Variants in MYH15 observed in about 807,000 individuals in gnomAD.
MYH15 encodes the protein myosin heavy chain 15.
MYH15 carries 227 observed loss-of-function variants against 240.5 expected under a neutral mutation model. The ratio of observed to expected loss-of-function variants is 0.94; its 90% CI spans 0.85 to 1.05. MYH15 has a LOEUF of 1.05. Ranked by LOEUF, MYH15 falls within the 50% of genes least tolerant of loss-of-function variation. The pLI is 0.00. For missense variants in MYH15, 2,217 were observed against 2,247.5 expected (o/e 0.99, Z 0.27); for synonymous variants, 785 against 796.7 (o/e 0.99, Z 0.25).
At chr3:108,402,282 A>C (rs2082511417) in intron 33 of MYH15, among the ~76,000 whole-genome samples, 2 of 152,256 alleles carry the variant, frequency 1.3e-5, no homozygotes, top group African/African-American at 4.8e-5. Flanking sequence ...AGATTCACTC[A>C]GACAATAAAA....
intron 21 of MYH15, among the ~76,000 whole-genome samples, chr3:108,446,009 C>G (rs1268422399): frequency 6.6e-6 from 1 of 152,090 alleles, no homozygotes; most frequent in East Asian, 1.9e-4. Context: ...ACCCTTACAA[C>G]CTCAGGTTCC....
chr3:108,539,412 CAT>C, the MYH15 span, among the ~76,000 whole-genome samples: 1 of 152,064 alleles, frequency 6.6e-6, no homozygotes, highest in Admixed American at 6.6e-5. Flanking sequence ...TATGGGAAAA[CAT>C]GTGTTGTGCA....
chr3:108,381,703 T>C, intron 40 of MYH15, 144 bp from the exon 41 acceptor site: 1 of 900,950 alleles, frequency 1.1e-6, no homozygotes, highest in Non-Finnish European at 1.8e-6. Flanking sequence ...GGCAGGGAAT[T>C]GAGGCAATTA....
At chr3:108,427,635 C>CACACAGAGAGAGAG (rs570359637) in intron 27 of MYH15, among the ~76,000 whole-genome samples, 23 of 146,632 alleles carry the variant, frequency 1.6e-4, no homozygotes, top group Non-Finnish European at 2.8e-4. Flanking sequence ...CACACACACA[C>CACACAGAGAGAGAG]AGAGAGAGAG....
At chr3:108,498,604 T>C (rs980518389) in intron 5 of MYH15, among the ~76,000 whole-genome samples, 1 of 152,156 alleles carries the variant, frequency 6.6e-6, no homozygotes, top group Non-Finnish European at 1.5e-5. Flanking sequence ...CCAGCTAACT[T>C]TGCAATGTGG....
At chr3:108,461,268 C>T (rs905399140) in intron 16 of MYH15, among the ~76,000 whole-genome samples, 3 of 152,196 alleles carry the variant, frequency 2.0e-5, no homozygotes, top group Non-Finnish European at 4.4e-5. Flanking sequence ...CACCCCAGGT[C>T]TCTCAGTGAA....
intron 25 of MYH15, among the ~76,000 whole-genome samples, chr3:108,436,031 C>A (rs910318402): frequency 5.9e-5 from 9 of 152,018 alleles, no homozygotes; most frequent in African/African-American, 1.9e-4. Context: ...GTAGCAATTT[C>A]TCTCACCTCA....
rs2082342294 is a variant in MYH15 at position 108,381,375 on chromosome 3, T to C, written c.*170A>G. On this transcript the variant is annotated 3_prime_UTR_variant, in exon 41 of 41. Transcript: ENST00000693548. ...AGGATCAAAAAATCCCCATTAACTGTGGAAGCAATGATATTCCCTTTAATT... is the reference window on the plus strand; with the variant it reads ...AGGATCAAAAAATCCCCATTAACTGCGGAAGCAATGATATTCCCTTTAATT... 1 of 731,454 alleles carries C rather than the reference T, an allele frequency of 1.4e-6. No individual in the cohort carries two copies. Among genetic ancestry groups the C allele is most frequent in the Non-Finnish European group, 2.3e-6 (1 of 426,800 alleles). The allele number at this position is 731,454 out of a possible 1,614,324, so 45.3% of individuals were successfully genotyped here. A position where few individuals can be genotyped will look rare whatever the true frequency, so the allele number is the denominator to read the frequency against.
intron 33 of MYH15, among the ~76,000 whole-genome samples, chr3:108,404,427 G>T (rs1378699290): frequency 2.6e-5 from 4 of 152,154 alleles, no homozygotes; most frequent in Non-Finnish European, 5.9e-5. Flanking sequence ...TGACTTAAGG[G>T]AACAGATTAG....
intron 27 of MYH15, among the ~76,000 whole-genome samples, chr3:108,424,829 G>T (rs1431064565): frequency 2.6e-5 from 4 of 152,204 alleles, no homozygotes; most frequent in African/African-American, 9.7e-5. Context: ...ATTTAAAGCA[G>T]TAACAGGACA....
chr3:108,497,271 G>T (rs1269386726), intron 6 of MYH15, among the ~76,000 whole-genome samples: 1 of 150,302 alleles, frequency 6.7e-6, no homozygotes, highest in Non-Finnish European at 1.5e-5. Context: ...TTAAAAATTA[G>T]GTCAGATGGC....
At chr3:108,459,482 CTT>C (rs1560388982) in intron 17 of MYH15, 33 bp from the exon 18 acceptor site, 1 of 1,386,608 alleles carries the variant, frequency 7.2e-7, no homozygotes, top group Non-Finnish European at 1.0e-6. Context: ...CACAAAATCA[CTT>C]TGCAAATCAC....
intron 1 of MYH15, chr3:108,529,234 A>T: frequency 6.3e-7 from 1 of 1,595,664 alleles, no homozygotes; most frequent in Non-Finnish European, 8.6e-7. Flanking sequence ...TGTTAGACAA[A>T]TTAAAACATA....
Position 108,477,220 on chromosome 3 carries a change from G to A in MYH15, c.1115-705C>T, listed in dbSNP as rs986296790. ...ATGCTAAGTGAAAGGAGTCAGACAC[G>A]AAAGGCCACATATTGCAGGATTCCA... On this transcript the variant is annotated intron_variant, in intron 11 of 40. Transcript: ENST00000693548. Among the ~76,000 whole-genome samples the A allele has an allele frequency of 3.3e-5, 5 of 152,262 alleles. No homozygotes were observed. In the East Asian group the frequency reaches 5.8e-4, roughly 18 times the overall value.
At chr3:108,457,513 T>C (rs559830361) in intron 18 of MYH15, among the ~76,000 whole-genome samples, 7 of 152,030 alleles carry the variant, frequency 4.6e-5, no homozygotes, top group Admixed American at 3.9e-4. Context: ...CAACGTCCAA[T>C]AGAAGCCTTT....
At chr3:108,549,706 A>G in the MYH15 span, among the ~76,000 whole-genome samples, 1 of 152,028 alleles carries the variant, frequency 6.6e-6, no homozygotes, top group Non-Finnish European at 1.5e-5. Flanking sequence ...GCCACTGGCT[A>G]TGGGACTGGA....
intron 33 of MYH15, among the ~76,000 whole-genome samples, chr3:108,402,793 T>A (rs2082516064): frequency 6.6e-6 from 1 of 152,320 alleles, no homozygotes; most frequent in East Asian, 1.9e-4. Context: ...AGATGCAGGA[T>A]GCACCTGACC....
intron 21 of MYH15, among the ~76,000 whole-genome samples, chr3:108,449,402 G>A (rs1430622860): frequency 6.6e-6 from 1 of 151,994 alleles, no homozygotes; most frequent in Non-Finnish European, 1.5e-5. Flanking sequence ...TAGTCCAATG[G>A]AACAGATCAG....
intron 37 of MYH15, among the ~76,000 whole-genome samples, chr3:108,390,711 C>T (rs978761775): frequency 6.6e-6 from 1 of 151,948 alleles, no homozygotes; most frequent in Non-Finnish European, 1.5e-5. Flanking sequence ...TGTTTAATGC[C>T]CCCAATTTAA....
Sources: allele counts gnomAD v4.1 joint callset (sites outside exome capture counted in the v4.1 genomes callset), GRCh38; gene constraint gnomAD v4.1.1; transcripts MANE v1.5; gene names NCBI Gene and HGNC (gene_info 2026-07-23, HGNC 2026-07-21).